PPP1R37: variants seen among roughly 807,000 people sequenced by gnomAD.
PPP1R37 encodes leucine rich repeat containing 68.
PPP1R37 carries 21 observed loss-of-function variants against 61.0 expected under a neutral mutation model. That is an observed-to-expected ratio of 0.34 (90% CI 0.24 to 0.50). The LOEUF (loss-of-function observed/expected upper bound fraction) is 0.50. Ranked by LOEUF, PPP1R37 falls within the 20% of genes least tolerant of loss-of-function variation. The probability of loss-of-function intolerance (pLI) is 0.98; values close to 1 mark genes in which losing one functional copy is unlikely to be tolerated. For synonymous variants in PPP1R37, 443 were observed against 433.5 expected, an observed-to-expected ratio of 1.02 and a Z score of -0.27; for missense variants, 910 against 952.7, an observed-to-expected ratio of 0.96 and a Z score of 0.59.
At chr19:45,138,905 CTTTTTTTTTT>C (rs34081163) in intron 2 of PPP1R37, among the ~76,000 whole-genome samples, 10 of 73,052 alleles carry the variant, frequency 1.4e-4, no homozygotes, top group Admixed American at 6.0e-4. Context: ...TTTATGTATT[CTTTTTTTTTT>C]TTTTTTTTTT....
chr19:45,094,903 A>G (rs1967972933), intron 1 of PPP1R37, among the ~76,000 whole-genome samples: 1 of 152,120 alleles, frequency 6.6e-6, no homozygotes, highest in South Asian at 2.1e-4. Context: ...TTGGAGCCAT[A>G]GGGCTGGGAA....
chr19:45,118,952 G>T (rs1311107359), intron 1 of PPP1R37, among the ~76,000 whole-genome samples: 4 of 151,940 alleles, frequency 2.6e-5, no homozygotes, highest in African/African-American at 7.2e-5. Context: ...CCTCTGAGCA[G>T]CTGCTGCTTT....
At chr19:45,106,762 T>C (rs1369873982) in intron 1 of PPP1R37, among the ~76,000 whole-genome samples, 1 of 151,606 alleles carries the variant, frequency 6.6e-6, no homozygotes, top group Non-Finnish European at 1.5e-5. Flanking sequence ...CAGGCTTCGT[T>C]GTGCTTTTGA....
rs1043524718 is a variant in PPP1R37, at chr19:45,146,457, G to T, written c.2061G>T (p.Gly687=). 2 of 1,535,582 alleles carry T rather than the reference G, an allele frequency of 1.3e-6. No homozygotes were observed. The highest frequency in any genetic ancestry group is 1.7e-6 in the Non-Finnish European group (2 of 1,146,678). The change falls in exon 12 of 13, where the codon GGG becomes GGT. Residue 687 remains glycine, a synonymous_variant. Coordinates refer to ENST00000221462, the MANE Select transcript of PPP1R37 (RefSeq NM_019121.2). ...ELLLEASQES[G]QETL is the part of the protein sequence containing the mutation. ...TTCTGGAAGCCAGTCAGGAATCCGG[G>T]CAGGAGACACTGTGACACTTTAGGT... is the stretch of plus-strand genomic sequence containing the variant.
chr19:45,143,577 G>A lies in PPP1R37; in HGVS notation c.931G>A (p.Val311Met). 6.5e-7 allele frequency: 1 copy of A among 1,536,008 alleles called. No homozygotes were observed. The highest frequency in any genetic ancestry group is 8.7e-7 in the Non-Finnish European group (1 of 1,146,802). Residue 311 changes from valine to methionine, a missense_variant, in exon 8 of 13, where the codon GTG becomes ATG. Val to Met is a conservative substitution (Grantham distance 21). This residue lies in a region of PPP1R37 where 280 missense variants were observed against 382.2 expected (regional missense o/e 0.73). Transcript: ENST00000221462. ...KEQRKGLVTL[V>M]LWNNQLTHTG... is the part of the protein sequence containing the mutation. ...GCAGAGGAAGGGGCTGGTGACCCTG[G>A]TGCTGTGGAACAACCAGCTCACGCA...
intron 1 of PPP1R37, among the ~76,000 whole-genome samples, chr19:45,096,847 C>A (rs1022094310): frequency 2.3e-4 from 35 of 152,094 alleles, no homozygotes; most frequent in Non-Finnish European, 7.3e-5. Context: ...AGAATTGGTC[C>A]ATCCTGTTTG....
chr19:45,111,684 T>C (rs946513754), intron 1 of PPP1R37, among the ~76,000 whole-genome samples: 1 of 152,212 alleles, frequency 6.6e-6, no homozygotes, highest in African/African-American at 2.4e-5. Flanking sequence ...AGTGAGAACA[T>C]TGCCATTAAC....
chr19:45,126,221 G>A (rs1968402853), intron 1 of PPP1R37, among the ~76,000 whole-genome samples: 1 of 152,248 alleles, frequency 6.6e-6, no homozygotes, highest in Admixed American at 6.5e-5. Context: ...GATGGTGATG[G>A]TGCCCCCTTG....
chr19:45,093,392 G>C lies in PPP1R37; in HGVS notation c.67G>C (p.Ala23Pro). 6.5e-7 allele frequency: 1 copy of C among 1,533,508 alleles called. No individual in the cohort carries two copies. The highest frequency in any genetic ancestry group is 8.7e-7 in the Non-Finnish European group (1 of 1,145,546). The allele number at this position is 1,533,508 out of a possible 1,614,324, so 95.0% of individuals were successfully genotyped here. Residue 23 changes from alanine to proline, a missense_variant, in exon 1 of 13, where the codon GCT becomes CCT. Ala to Pro is a conservative substitution (Grantham distance 27). Transcript: ENST00000221462. ...GADGDIEEAPAEAGSPSPASP... is the reference protein window; with the variant it reads ...GADGDIEEAPPEAGSPSPASP... ...GGACGGCGACATTGAAGAGGCCCCAGCTGAGGCCGGGTCTCCCAGCCCCGC... is the reference window on the plus strand; with the variant it reads ...GGACGGCGACATTGAAGAGGCCCCACCTGAGGCCGGGTCTCCCAGCCCCGC...
At chr19:45,140,113 C>G in intron 2 of PPP1R37, 123 bp from the exon 3 acceptor site, 1 of 803,956 alleles carries the variant, frequency 1.2e-6, no homozygotes, top group Non-Finnish European at 2.0e-6. Context: ...AGCCTCTGTT[C>G]AGTGCCTTCG....
chr19:45,135,360 C>A (rs1403129851), intron 1 of PPP1R37, among the ~76,000 whole-genome samples: 2 of 152,268 alleles, frequency 1.3e-5, no homozygotes, highest in African/African-American at 4.8e-5. Flanking sequence ...CCTCCTCGCC[C>A]CAGCGGTGCC....
At chr19:45,135,062 A>T (rs1288271716) in intron 1 of PPP1R37, among the ~76,000 whole-genome samples, 7 of 152,290 alleles carry the variant, frequency 4.6e-5, no homozygotes, top group Non-Finnish European at 1.0e-4. Flanking sequence ...AGCCTGACCA[A>T]CGTGGTGAAA....
intron 1 of PPP1R37, among the ~76,000 whole-genome samples, chr19:45,107,666 G>T (rs911526497): frequency 6.6e-6 from 1 of 152,186 alleles, no homozygotes; most frequent in Non-Finnish European, 1.5e-5. Flanking sequence ...TTCTATATAC[G>T]TGTATCCCGG....
At chr19:45,125,353 C>T (rs1968391889) in intron 1 of PPP1R37, among the ~76,000 whole-genome samples, 5 of 152,174 alleles carry the variant, frequency 3.3e-5, no homozygotes, top group Admixed American at 2.0e-4. Flanking sequence ...GTCCCAGCTA[C>T]TCAGGAGGCT....
intron 1 of PPP1R37, among the ~76,000 whole-genome samples, chr19:45,131,245 C>T (rs1968473236): frequency 6.6e-6 from 1 of 152,170 alleles, no homozygotes; most frequent in Non-Finnish European, 1.5e-5. Context: ...ACCTGCTGGG[C>T]GAGCGGCAGA....
chr19:45,122,483 G>A (rs1016414517), intron 1 of PPP1R37, among the ~76,000 whole-genome samples: 1 of 152,188 alleles, frequency 6.6e-6, no homozygotes, highest in Non-Finnish European at 1.5e-5. Context: ...AGGGGTAAGA[G>A]TTCTCCCCTC....
Position 45,142,351 on chromosome 19 carries a change from A to G in PPP1R37, c.767A>G (p.Asp256Gly), listed in dbSNP as rs1038328120. Residue 256 changes from aspartate to glycine, a missense_variant, in exon 7 of 13, where the codon GAC becomes GGC. Around this residue, in one of 3 missense-constraint regions of PPP1R37, gnomAD observed 280 missense variants for 382.2 expected, o/e 0.73. Coordinates refer to ENST00000221462, the MANE Select transcript of PPP1R37 (RefSeq NM_019121.2). The part of the protein sequence containing the change: ...NMNLRELYLA[D>G]NKLNGLQDSA... ...AACCTGCGGGAGCTGTACCTGGCGGACAACAAGCTCAACGGCCTGCAGGAC... is the reference window on the plus strand; with the variant it reads ...AACCTGCGGGAGCTGTACCTGGCGGGCAACAAGCTCAACGGCCTGCAGGAC... 1 of 1,535,952 alleles carries G rather than the reference A, an allele frequency of 6.5e-7. No individual in the cohort carries two copies. The highest frequency in any genetic ancestry group is 8.7e-7 in the Non-Finnish European group (1 of 1,146,918).
chr19:45,118,825 T>A (rs1351629152), intron 1 of PPP1R37, among the ~76,000 whole-genome samples: 2 of 152,144 alleles, frequency 1.3e-5, no homozygotes, highest in Non-Finnish European at 2.9e-5. Flanking sequence ...GCCACCCAGG[T>A]GGCTGCCTCC....
intron 1 of PPP1R37, among the ~76,000 whole-genome samples, chr19:45,094,228 C>T (rs1318244545): frequency 6.6e-6 from 1 of 152,176 alleles, no homozygotes; most frequent in Non-Finnish European, 1.5e-5. Flanking sequence ...AAGCTGTCCT[C>T]CCTCCTTGGC....
Sources: gnomAD v4.1 joint callset for allele counts (sites outside exome capture counted in the v4.1 genomes callset) on GRCh38, gnomAD v4.1.1 for gene constraint, gnomAD v4.1.1 regional missense constraint, MANE v1.5 for transcripts, NCBI Gene and HGNC (gene_info 2026-07-23, HGNC 2026-07-21) for gene names.